The following SGCZ variants were observed in gnomAD, a reference collection of about 807,000 sequenced individuals.
SGCZ encodes sarcoglycan zeta.
SGCZ carries 40 observed loss-of-function variants against 41.3 expected under a neutral mutation model. That is an observed-to-expected ratio of 0.97 (90% CI 0.75 to 1.26). SGCZ has a LOEUF of 1.26. SGCZ is among the 50% of genes most tolerant of loss of function. SGCZ has a pLI of 0.00. For missense variants in SGCZ, 552 were observed against 369.8 expected (o/e 1.49, Z -4.04); for synonymous variants, 206 against 137.5 (o/e 1.50, Z -3.49).
chr8:14,129,395 T>G (rs1238434888), intron 5 of SGCZ, among the ~76,000 whole-genome samples: 2 of 147,662 alleles, frequency 1.4e-5, no homozygotes, highest in Non-Finnish European at 3.0e-5. Flanking sequence ...ACTCATAAAT[T>G]TATAGAAATA....
chr8:14,972,547 G>C (rs28631771), intron 1 of SGCZ, among the ~76,000 whole-genome samples: 56,126 of 151,894 alleles, frequency 0.37, 10,974 homozygotes, highest in Non-Finnish European at 0.42. Context: ...TCATCTTGTT[G>C]TTTGTTTTCT....
chr8:14,746,431 C>T (rs989127654), intron 1 of SGCZ, among the ~76,000 whole-genome samples: 2 of 152,064 alleles, frequency 1.3e-5, no homozygotes, highest in Non-Finnish European at 1.5e-5. Context: ...AACAATATAG[C>T]ATTTCAGTAT....
chr8:14,900,474 G>A (rs568587920), intron 1 of SGCZ, among the ~76,000 whole-genome samples: 16 of 152,108 alleles, frequency 1.1e-4, no homozygotes, highest in African/African-American at 3.4e-4. Context: ...ATCAACCAAC[G>A]AAATCAACTC....
chr8:14,652,402 T>G (rs1303007870), intron 1 of SGCZ, among the ~76,000 whole-genome samples: 1 of 150,128 alleles, frequency 6.7e-6, no homozygotes, highest in Non-Finnish European at 1.5e-5. Context: ...TTCATAATAA[T>G]AATATTTGAA....
intron 4 of SGCZ, 79 bp from the exon 5 acceptor site, chr8:14,164,781 AAATGCATATATTATTT>A: frequency 2.0e-6 from 3 of 1,495,414 alleles, no homozygotes; most frequent in Middle Eastern, 1.8e-4. Context: ...AATAGACTAG[AAATGCATATATTATTT>A]AATTTGTTTA....
intron 1 of SGCZ, among the ~76,000 whole-genome samples, chr8:14,859,716 G>A (rs190436398): frequency 1.4e-3 from 210 of 152,182 alleles, no homozygotes; most frequent in Non-Finnish European, 2.1e-3. Flanking sequence ...TATATGTATT[G>A]CAATGATTTT....
At chr8:14,732,512 G>A (rs993851256) in intron 1 of SGCZ, among the ~76,000 whole-genome samples, 4 of 152,158 alleles carry the variant, frequency 2.6e-5, no homozygotes, top group African/African-American at 9.7e-5. Context: ...ATGTTAGGAA[G>A]CTGGAAAGCC....
chr8:15,123,387 TTG>T (rs1563138205), intron 1 of SGCZ, among the ~76,000 whole-genome samples: 1 of 152,232 alleles, frequency 6.6e-6, no homozygotes, highest in East Asian at 1.9e-4. Context: ...ATCTCTTGCA[TTG>T]TATCTTATAT....
At chr8:14,606,157 A>T (rs1805742151) in intron 1 of SGCZ, among the ~76,000 whole-genome samples, 1 of 152,068 alleles carries the variant, frequency 6.6e-6, no homozygotes. Context: ...ATGCTAAAAT[A>T]GTCTTTTTAT....
chr8:14,421,909 G>T (rs1299195847), intron 2 of SGCZ, among the ~76,000 whole-genome samples: 1 of 152,080 alleles, frequency 6.6e-6, no homozygotes, highest in Non-Finnish European at 1.5e-5. Flanking sequence ...GAATGTTAGT[G>T]GGAAGCTTAT....
At chr8:14,502,286 C>A (rs1217231934) in intron 2 of SGCZ, among the ~76,000 whole-genome samples, 1 of 151,966 alleles carries the variant, frequency 6.6e-6, no homozygotes, top group Non-Finnish European at 1.5e-5. Flanking sequence ...TTCTACTGAT[C>A]TTAGATCAAT....
At chr8:14,946,807 C>T (rs1800465026) in intron 1 of SGCZ, among the ~76,000 whole-genome samples, 1 of 151,800 alleles carries the variant, frequency 6.6e-6, no homozygotes, top group Admixed American at 6.6e-5. Context: ...CCCCGAGTAG[C>T]CAGACCTACA....
At chr8:14,133,346 C>CATTA (rs1273286114) in intron 5 of SGCZ, among the ~76,000 whole-genome samples, 1 of 152,174 alleles carries the variant, frequency 6.6e-6, no homozygotes, top group African/African-American at 2.4e-5. Context: ...ATCTGTCTGT[C>CATTA]ATTAATTCAG....
intron 1 of SGCZ, among the ~76,000 whole-genome samples, chr8:14,885,037 A>G (rs987646909): frequency 6.6e-6 from 1 of 152,062 alleles, no homozygotes; most frequent in African/African-American, 2.4e-5. Context: ...TACTAATTGT[A>G]TTTTATTTCT....
At chr8:14,889,627 A>T (rs1585352415) in intron 1 of SGCZ, among the ~76,000 whole-genome samples, 1 of 152,236 alleles carries the variant, frequency 6.6e-6, no homozygotes, top group East Asian at 1.9e-4. Flanking sequence ...ATATTTTTGA[A>T]GTAAACATGG....
chr8:14,510,167 C>T (rs940848118), intron 2 of SGCZ, among the ~76,000 whole-genome samples: 1 of 152,062 alleles, frequency 6.6e-6, no homozygotes, highest in East Asian at 1.9e-4. Flanking sequence ...TTCGTATTTA[C>T]AAATACCTAA....
intron 1 of SGCZ, among the ~76,000 whole-genome samples, chr8:14,573,221 G>A (rs968214767): frequency 7.6e-5 from 10 of 132,142 alleles, no homozygotes; most frequent in Non-Finnish European, 1.2e-4. Context: ...TTTTTGAGAC[G>A]GAGTCTCGCT....
chr8:14,974,889 C>T (rs1023416313), intron 1 of SGCZ, among the ~76,000 whole-genome samples: 2 of 146,454 alleles, frequency 1.4e-5, no homozygotes, highest in African/African-American at 5.0e-5. Flanking sequence ...AAAGGAAATA[C>T]AGCACATCAC....
intron 1 of SGCZ, among the ~76,000 whole-genome samples, chr8:14,723,531 T>A (rs1585210293): frequency 6.6e-6 from 1 of 152,284 alleles, no homozygotes; most frequent in East Asian, 1.9e-4. Flanking sequence ...CCACGGAGCC[T>A]GGCCATAGGT....
Sources: gnomAD v4.1 joint callset for allele counts (sites outside exome capture counted in the v4.1 genomes callset) on GRCh38, gnomAD v4.1.1 for gene constraint, MANE v1.5 for transcripts, NCBI Gene and HGNC (gene_info 2026-07-23, HGNC 2026-07-21) for gene names.